Variants in PDCD2 observed in about 807,000 individuals in gnomAD.
PDCD2 encodes the protein uS5 assembly chaperone PDCD2.
Under a neutral mutation model 38.1 loss-of-function variants are expected in PDCD2, and 38 were observed. That is an observed-to-expected ratio of 1.00 (90% CI 0.77 to 1.31). The LOEUF (loss-of-function observed/expected upper bound fraction) is 1.31, where lower values mean the gene tolerates loss of function less well. Among genes scored for constraint, PDCD2 ranks in the 50% most tolerant of loss-of-function variants. The pLI, the probability that PDCD2 is intolerant of heterozygous loss-of-function variation, is 0.00. For missense variants in PDCD2, 473 were observed against 435.7 expected (o/e 1.09, Z -0.76); for synonymous variants, 205 against 168.9 (o/e 1.21, Z -1.66).
Position 170,584,506 on chromosome 6 carries a change from G to A in PDCD2, c.76C>T (p.Gln26Ter), listed in dbSNP as rs1245781109. Residue 26 changes from glutamine to a stop codon, truncating the protein, a stop_gained, in exon 1 of 6, where the codon CAG becomes TAG. Transcript: ENST00000541970. LOFTEE classifies it high-confidence loss of function. ...CGCCCGCCCACCTTGCTGGGGAACT[G>A]CTCGCTGCGCAGTCGCCACGCCGGC... is the stretch of plus-strand genomic sequence containing the variant. ...SAPAWRLRSEQFPSKVGGRPA... is the reference protein window; with the variant it reads ...SAPAWRLRSE 2 of 1,362,534 alleles carry A rather than the reference G, an allele frequency of 1.5e-6. No individual in the cohort carries two copies. The highest frequency in any genetic ancestry group is 3.2e-5 in the Admixed American group (1 of 30,930). 84.4% of individuals were successfully genotyped at this position (1,362,534 alleles called of 1,614,324 possible).
chr6:170,579,570 C>T (rs1467180945), intron 4 of PDCD2: 2 of 155,294 alleles, frequency 1.3e-5, no homozygotes, highest in Non-Finnish European at 2.8e-5. Context: ...TCGTGATTTA[C>T]GTTTATGGTA....
chr6:170,581,925 CTTACT>C, intron 3 of PDCD2: 1 of 412,918 alleles, frequency 2.4e-6, no homozygotes, highest in South Asian at 2.4e-5. Context: ...CTTTTTAAAA[CTTACT>C]TTACTCCATA....
chr6:170,581,306 C>G (rs1018083842), intron 3 of PDCD2: 3 of 152,120 alleles, frequency 2.0e-5, no homozygotes, highest in African/African-American at 7.2e-5. Context: ...CAAACTCTTT[C>G]CTTTTATTTA....
intron 5 of PDCD2, 190 bp downstream of exon 5, chr6:170,578,667 G>C: frequency 1.4e-6 from 1 of 704,160 alleles, no homozygotes; most frequent in Non-Finnish European, 2.6e-6. Flanking sequence ...CTAGGAAACA[G>C]AAAAAAACAA....
chr6:170,582,905 G>T (rs1417546872), intron 3 of PDCD2, 152 bp downstream of exon 3: 1 of 1,469,752 alleles, frequency 6.8e-7, no homozygotes, highest in Non-Finnish European at 8.9e-7. Flanking sequence ...AGTCCAGGAA[G>T]TATATTTTTA....
chr6:170,577,278 A>AT lies in PDCD2; in HGVS notation c.*280dup, dbSNP rs1164305460. On this transcript the variant is annotated 3_prime_UTR_variant, in exon 6 of 6. Coordinates refer to ENST00000541970, the MANE Select transcript of PDCD2 (RefSeq NM_002598.4). The stretch of plus-strand genomic sequence containing the variant: ...CATACATACAAATATTTTTACAAGA[A>AT]TAGGATCATACCATGAATACCACCT... 3.6e-6 allele frequency: 1 copy of AT among 276,986 alleles called. No homozygotes were observed. Among genetic ancestry groups the AT allele is most frequent in the African/African-American group, 2.2e-5 (1 of 46,436 alleles). The allele number at this position is 276,986 out of a possible 1,614,324, so 17.2% of individuals were successfully genotyped here.
In PDCD2 at chr6:170,583,510, T is replaced by G; in HGVS notation, c.521A>C (p.Gln174Pro). The G allele has an allele frequency of 1.9e-6, 3 of 1,603,828 alleles. No homozygotes were observed. Among genetic ancestry groups the G allele is most frequent in the Non-Finnish European group, 2.6e-6 (3 of 1,172,060 alleles). ...WRLGHKQACA[Q>P]PDHLDHIIPD... Reference sequence around the variant, plus strand: ...TTAAAAAAAAGATTACCCACCTGGTTGTGCACAAGCCTGCTTATGTCCCAA... The same window carrying G: ...TTAAAAAAAAGATTACCCACCTGGTGGTGCACAAGCCTGCTTATGTCCCAA... Residue 174 changes from glutamine (Q) to proline (P), a missense_variant, in exon 2 of 6, where the codon CAA (glutamine) becomes CCA (proline). Transcript: ENST00000541970.
At chr6:170,581,786 A>G (rs1779606895) in intron 3 of PDCD2, 1 of 189,954 alleles carries the variant, frequency 5.3e-6, no homozygotes, top group African/African-American at 2.4e-5. Flanking sequence ...ACACTGTTAC[A>G]TTCTTTTCAT....
chr6:170,579,729 TC>T (rs1471888144), intron 4 of PDCD2: 23 of 240,912 alleles, frequency 9.5e-5, no homozygotes, highest in African/African-American at 5.1e-4. Flanking sequence ...CTCATTCATC[TC>T]CCATCCCTGA....
At position 170,577,497 on chromosome 6, in the gene PDCD2, C is replaced by A. The variant is rs1393010223; in HGVS notation, c.*62G>T. 5.0e-6 allele frequency: 7 copies of A among 1,392,486 alleles called. No individual in the cohort carries two copies. Among genetic ancestry groups the A allele is most frequent in the Middle Eastern group, 2.0e-4 (1 of 5,010 alleles). 86.3% of individuals were successfully genotyped at this position (1,392,486 alleles called of 1,614,324 possible). A position where few individuals can be genotyped will look rare whatever the true frequency, so the allele number is the denominator to read the frequency against. ...TATAAGTATTTCCTTAGGATAAAAT[C>A]CCAGAAATGGAATTGCAAGGTATAA... On this transcript the variant is annotated 3_prime_UTR_variant, in exon 6 of 6. Transcript: ENST00000541970.
At chr6:170,584,131 C>T (rs1779725272) in intron 1 of PDCD2, 168 bp downstream of exon 1, 1 of 707,914 alleles carries the variant, frequency 1.4e-6, no homozygotes, top group Non-Finnish European at 2.0e-6. Context: ...CAAAAATGAG[C>T]ACATCCTGGA....
rs1388944704 is a variant in PDCD2 at position 170,576,254 on chromosome 6, G to GT, written c.*1304dup. 1 of 152,202 alleles carries GT rather than the reference G, an allele frequency of 6.6e-6. No individual in the cohort carries two copies. Among genetic ancestry groups the GT allele is most frequent in the Non-Finnish European group, 1.5e-5 (1 of 68,046 alleles). The allele number at this position is 152,202 out of a possible 1,614,324, so 9.4% of individuals were successfully genotyped here. On this transcript the variant is annotated 3_prime_UTR_variant, in exon 6 of 6. Coordinates refer to ENST00000541970, the MANE Select transcript of PDCD2 (RefSeq NM_002598.4). ...TATACAATTAATACAAATTGCATAT[G>GT]TATACTTATATAATATGGACTACTA...
intron 4 of PDCD2, 49 bp from the exon 5 acceptor site, chr6:170,579,019 G>A (rs758104411): frequency 1.7e-6 from 2 of 1,147,286 alleles, no homozygotes; most frequent in Non-Finnish European, 1.3e-6. Flanking sequence ...TTACCTATAA[G>A]TTGCCAATGG....
In PDCD2 at chr6:170,584,412, G is replaced by C; in HGVS notation, c.170C>G (p.Pro57Arg). 7.0e-7 allele frequency: 1 copy of C among 1,419,096 alleles called. No individual in the cohort carries two copies. Among genetic ancestry groups the C allele is most frequent in the Non-Finnish European group, 9.2e-7 (1 of 1,091,150 alleles). The allele number at this position is 1,419,096 out of a possible 1,614,324, so 87.9% of individuals were successfully genotyped here. ...QALACELCGR[P>R]LSFLLQVYAP... is the part of the protein sequence containing the mutation. ...ATACACCTGCAGCAGGAAGGAGAGC[G>C]GGCGGCCGCACAGCTCGCAGGCCAG... The change falls in exon 1 of 6, where the codon CCG (proline) becomes CGG (arginine). Residue 57 changes from proline to arginine, a missense_variant. Transcript: ENST00000541970.
rs1779700464 is a variant in PDCD2, at chr6:170,583,724, T to A, written c.307A>T (p.Lys103Ter). ...GGCTCATATGAGTAAAAATCGTTTT[T>A]CCTGGGTAGTTGATTCCTAAAAACT... ...LRVFRNQLPR[K>*]NDFYSYEPPS... is the part of the protein sequence containing the mutation. Residue 103 changes from lysine (K) to a stop codon, truncating the protein, a stop_gained, in exon 2 of 6, where the codon AAA becomes TAA. Coordinates refer to ENST00000541970, the MANE Select transcript of PDCD2 (RefSeq NM_002598.4). LOFTEE classifies it high-confidence loss of function. 6.2e-7 allele frequency: 1 copy of A among 1,612,328 alleles called. No homozygotes were observed.
Position 170,583,703 on chromosome 6 carries a change from C to T in PDCD2, c.328G>A (p.Glu110Lys), listed in dbSNP as rs1779698680. The part of the protein sequence containing the change: ...LPRKNDFYSY[E>K]PPSENPPPET... ...GGGGGAGGATTCTCAGAAGGTGGCT[C>T]ATATGAGTAAAAATCGTTTTTCCTG... is the stretch of plus-strand genomic sequence containing the variant. The change falls in exon 2 of 6, where the codon GAG becomes AAG. Residue 110 changes from glutamate to lysine, a missense_variant. Coordinates refer to ENST00000541970, the MANE Select transcript of PDCD2 (RefSeq NM_002598.4). 1.9e-6 allele frequency: 3 copies of T among 1,613,264 alleles called. No homozygotes were observed. Among genetic ancestry groups the T allele is most frequent in the Admixed American group, 1.7e-5 (1 of 59,954 alleles).
intron 2 of PDCD2, 110 bp downstream of exon 2, chr6:170,583,395 A>AT (rs17860837): frequency 0.4 from 508,357 of 1,278,912 alleles, 110,218 homozygotes; most frequent in East Asian, 0.78. Context: ...GGCATGAAAA[A>AT]TTTTAAAGTA....
intron 1 of PDCD2, 92 bp downstream of exon 1, chr6:170,584,207 G>T: frequency 1.6e-6 from 2 of 1,248,766 alleles, no homozygotes; most frequent in Non-Finnish European, 2.0e-6. Context: ...GGCGGCAGCG[G>T]TGCTTGCCGC....
rs1779603375 is a variant in PDCD2, at chr6:170,581,711, TAC to T, written c.658+1344_658+1345del. 5 of 164,718 alleles carry T rather than the reference TAC, an allele frequency of 3.0e-5. No individual in the cohort carries two copies. In the South Asian group the frequency reaches 5.7e-4, roughly 19 times the overall value. 10.2% of individuals were successfully genotyped at this position (164,718 alleles called of 1,614,324 possible). A position where few individuals can be genotyped will look rare whatever the true frequency, so the allele number is the denominator to read the frequency against. ...AATTACTCGTTTCCTTTCCCCCCAA[TAC>T]ACACACAACCATCTCAAAATAAAAG... On this transcript the variant is annotated intron_variant, in intron 3 of 5. Coordinates refer to ENST00000541970, the MANE Select transcript of PDCD2 (RefSeq NM_002598.4).
Sources: gnomAD v4.1 joint callset for allele counts on GRCh38, gnomAD v4.1.1 for gene constraint, MANE v1.5 for transcripts, NCBI Gene and HGNC (gene_info 2026-07-23, HGNC 2026-07-21) for gene names.